Variants in PREX2 observed in about 807,000 individuals in gnomAD.
The protein encoded by PREX2 is phosphatidylinositol 3,4,5-trisphosphate-dependent Rac exchanger 2 protein.
A neutral mutation model predicts 203.2 loss-of-function variants in PREX2; 107 were observed. The ratio of observed to expected loss-of-function variants is 0.53; its 90% CI spans 0.45 to 0.62. The LOEUF (loss-of-function observed/expected upper bound fraction) is 0.62, where lower values mean the gene tolerates loss of function less well. Ranked by LOEUF, PREX2 falls within the 20% of genes least tolerant of loss-of-function variation. The pLI is 0.00. For synonymous variants in PREX2, 672 were observed against 663.6 expected, an observed-to-expected ratio of 1.01 and a Z score of -0.19; for missense variants, 1,777 against 1,955.9, an observed-to-expected ratio of 0.91 and a Z score of 1.72.
At chr8:68,050,047 T>C (rs1808478534) in intron 8 of PREX2, among the ~76,000 whole-genome samples, 1 of 151,476 alleles carries the variant, frequency 6.6e-6, no homozygotes, top group Non-Finnish European at 1.5e-5. Context: ...TGTATATGTG[T>C]GTTTATGTAT....
intron 5 of PREX2, among the ~76,000 whole-genome samples, chr8:68,028,657 T>C (rs1293570968): frequency 2.6e-5 from 4 of 151,956 alleles, no homozygotes; most frequent in African/African-American, 4.8e-5. Context: ...GGAGTATTGT[T>C]GCAAATGTGT....
chr8:67,998,036 G>T (rs1471078741), intron 1 of PREX2, among the ~76,000 whole-genome samples: 3 of 152,308 alleles, frequency 2.0e-5, no homozygotes, highest in Middle Eastern at 3.4e-3. Context: ...TTACCCTTCT[G>T]CTGGGCTTGG....
At chr8:68,209,251 C>T (rs1013242959) in intron 37 of PREX2, among the ~76,000 whole-genome samples, 2 of 151,866 alleles carry the variant, frequency 1.3e-5, no homozygotes, top group African/African-American at 4.8e-5. Context: ...TGAATGCTGC[C>T]CAGGTAACTT....
intron 35 of PREX2, among the ~76,000 whole-genome samples, chr8:68,163,725 C>T (rs182222393): frequency 7.7e-4 from 117 of 152,270 alleles, no homozygotes; most frequent in Admixed American, 2.8e-3. Context: ...GAAAGGGAAA[C>T]ACCATGGGAC....
intron 1 of PREX2, among the ~76,000 whole-genome samples, chr8:67,963,546 T>G (rs1171726227): frequency 6.6e-6 from 1 of 152,170 alleles, no homozygotes; most frequent in Non-Finnish European, 1.5e-5. Context: ...TATTTTTAGT[T>G]TATTTTTTGT....
chr8:68,102,179 A>G (rs568065208), intron 23 of PREX2, among the ~76,000 whole-genome samples: 1 of 152,304 alleles, frequency 6.6e-6, no homozygotes, highest in African/African-American at 2.4e-5. Context: ...AGCCATGTGT[A>G]TGGACTCTTC....
intron 10 of PREX2, among the ~76,000 whole-genome samples, chr8:68,060,211 T>C (rs1025851079): frequency 6.6e-5 from 10 of 152,320 alleles, no homozygotes; most frequent in South Asian, 2.1e-4. Flanking sequence ...TCTTCCTTCC[T>C]GGATCTTTAA....
chr8:68,004,995 T>C (rs985892841), intron 1 of PREX2, among the ~76,000 whole-genome samples: 1 of 152,202 alleles, frequency 6.6e-6, no homozygotes, highest in African/African-American at 2.4e-5. Context: ...TTTTGAGAAA[T>C]GGAAAAGAAT....
In PREX2 at chr8:68,108,350, C is replaced by T. The variant is rs755265492; in HGVS notation, c.2938+19C>T. 1 of 1,585,040 alleles carries T rather than the reference C, an allele frequency of 6.3e-7. No individual in the cohort carries two copies. The highest frequency in any genetic ancestry group is 8.6e-7 in the Non-Finnish European group (1 of 1,156,706). ...GAGCAAGGTATGCTAGCTTTTGCAA[C>T]TTTATCAAATCATGAAAAGCAATTT... On this transcript the variant is annotated intron_variant, in intron 24 of 39. Coordinates refer to ENST00000288368, the MANE Select transcript of PREX2 (RefSeq NM_024870.4).
intron 1 of PREX2, among the ~76,000 whole-genome samples, chr8:68,002,251 G>A (rs1270989661): frequency 6.6e-6 from 1 of 151,270 alleles, no homozygotes; most frequent in Non-Finnish European, 1.5e-5. Context: ...AGGTTCAAGT[G>A]ATTCTCATGC....
At chr8:67,957,648 A>G (rs1390196022) in intron 1 of PREX2, among the ~76,000 whole-genome samples, 1 of 152,246 alleles carries the variant, frequency 6.6e-6, no homozygotes, top group Non-Finnish European at 1.5e-5. Flanking sequence ...TGCTCAAGAA[A>G]ACAGACAAAC....
At chr8:67,984,353 C>T (rs1212009251) in intron 1 of PREX2, among the ~76,000 whole-genome samples, 1 of 152,212 alleles carries the variant, frequency 6.6e-6, no homozygotes, top group Non-Finnish European at 1.5e-5. Context: ...ACATAGTATT[C>T]AATAAATAAT....
chr8:68,143,350 T>A (rs992710588), intron 33 of PREX2, among the ~76,000 whole-genome samples: 2 of 152,126 alleles, frequency 1.3e-5, no homozygotes, highest in African/African-American at 4.8e-5. Flanking sequence ...GCTCTCTTGC[T>A]CTTGCCATAT....
At chr8:67,973,126 C>G (rs1437362017) in intron 1 of PREX2, among the ~76,000 whole-genome samples, 4 of 152,118 alleles carry the variant, frequency 2.6e-5, no homozygotes, top group Non-Finnish European at 4.4e-5. Context: ...TCCAGGCCTC[C>G]CCTGCTTCTT....
At chr8:68,166,699 G>A (rs1811767432) in intron 35 of PREX2, among the ~76,000 whole-genome samples, 2 of 152,176 alleles carry the variant, frequency 1.3e-5, no homozygotes, top group East Asian at 3.9e-4. Flanking sequence ...TGGATGCAGT[G>A]ATTTGTGCCT....
At chr8:67,980,697 T>C (rs1281374673) in intron 1 of PREX2, among the ~76,000 whole-genome samples, 1 of 152,228 alleles carries the variant, frequency 6.6e-6, no homozygotes, top group Admixed American at 6.5e-5. Context: ...TCCCCCATAC[T>C]GTTCTCATGA....
intron 35 of PREX2, among the ~76,000 whole-genome samples, chr8:68,185,433 C>G (rs1032539730): frequency 1.3e-5 from 2 of 152,162 alleles, no homozygotes; most frequent in Non-Finnish European, 2.9e-5. Context: ...ACAGCTTTCC[C>G]AGTTTGACCT....
rs147912058 is a variant in PREX2 at position 68,188,801 on chromosome 8, C to T, written c.4347-2921C>T. On this transcript the variant is annotated intron_variant, in intron 35 of 39. Coordinates refer to ENST00000288368, the MANE Select transcript of PREX2 (RefSeq NM_024870.4). ...TCTCCATCTGGCCCCACCCTTGACA[C>T]GTGAGGATTATAACAATTCAGTGAG... 3.6e-3 allele frequency among the ~76,000 whole-genome samples: 551 copies of T among 152,162 alleles called. 4 individuals carry two copies. The highest frequency in any genetic ancestry group is 0.013 in the African/African-American group (531 of 41,528).
chr8:68,186,715 TG>T (rs1290364523), intron 35 of PREX2, among the ~76,000 whole-genome samples: 1 of 152,132 alleles, frequency 6.6e-6, no homozygotes, highest in Non-Finnish European at 1.5e-5. Context: ...GGTTTCACCA[TG>T]TTGGTCAGGT....
Sources: allele counts gnomAD v4.1 joint callset (sites outside exome capture counted in the v4.1 genomes callset), GRCh38; gene constraint gnomAD v4.1.1; transcripts MANE v1.5; gene names NCBI Gene and HGNC (gene_info 2026-07-23, HGNC 2026-07-21).